Variants in ZRANB3 observed in about 807,000 individuals in gnomAD.
ZRANB3 encodes DNA annealing helicase and endonuclease ZRANB3.
A neutral mutation model predicts 133.8 loss-of-function variants in ZRANB3; 125 were observed. That is an observed-to-expected ratio of 0.93 (90% CI 0.81 to 1.08). ZRANB3 has a LOEUF of 1.08. Among genes scored for constraint, ZRANB3 ranks in the 50% least tolerant of loss-of-function variants. The pLI, the probability that ZRANB3 is intolerant of heterozygous loss-of-function variation, is 0.00. For missense variants in ZRANB3, 1,229 were observed against 1,275.5 expected, an observed-to-expected ratio of 0.96 and a Z score of 0.56; for synonymous variants, 387 against 432.7, an observed-to-expected ratio of 0.89 and a Z score of 1.31.
intron 2 of ZRANB3, among the ~76,000 whole-genome samples, chr2:135,437,414 T>C (rs1344409591): frequency 6.6e-6 from 1 of 152,182 alleles, no homozygotes; most frequent in East Asian, 1.9e-4. Context: ...AGAAACAAAG[T>C]ATCCAATGAT....
In ZRANB3 at chr2:135,513,549, A is replaced by G. The variant is rs1693566521; in HGVS notation, c.-7-9053T>C. ...AAACCCCCACCTCATGCTGCATATG[A>G]AAATTAACTTAAAATGGATCAAAGA... On this transcript the variant is annotated intron_variant, in intron 1 of 20. Coordinates refer to ENST00000264159, the MANE Select transcript of ZRANB3 (RefSeq NM_032143.4). Among the ~76,000 whole-genome samples the G allele has an allele frequency of 2.0e-5, 3 of 152,336 alleles. No homozygotes were observed. The East Asian group carries it at 5.8e-4, about 29-fold the overall frequency.
intron 2 of ZRANB3, among the ~76,000 whole-genome samples, chr2:135,418,988 AGTG>A (rs1226615727): frequency 8.7e-6 from 1 of 114,666 alleles, no homozygotes; most frequent in African/African-American, 3.4e-5. Context: ...CCCAGGCTGG[AGTG>A]CAGTGGTGCG....
intron 3 of ZRANB3, among the ~76,000 whole-genome samples, chr2:135,384,396 G>C (rs1686865549): frequency 6.6e-6 from 1 of 152,164 alleles, no homozygotes; most frequent in African/African-American, 2.4e-5. Context: ...TGGATTCACA[G>C]CCGAATTCTA....
chr2:135,349,687 G>A (rs1263908004), intron 5 of ZRANB3, among the ~76,000 whole-genome samples: 2 of 152,140 alleles, frequency 1.3e-5, no homozygotes, highest in Admixed American at 6.6e-5. Flanking sequence ...TAAGACCATA[G>A]AAGAACCTCA....
At chr2:135,271,108 C>T (rs1468935487) in intron 10 of ZRANB3, among the ~76,000 whole-genome samples, 1 of 152,230 alleles carries the variant, frequency 6.6e-6, no homozygotes, top group Non-Finnish European at 1.5e-5. Flanking sequence ...GCTGCTTAGA[C>T]TGCAGATAAG....
At chr2:135,294,659 T>A (rs895446774) in intron 8 of ZRANB3, among the ~76,000 whole-genome samples, 1 of 152,226 alleles carries the variant, frequency 6.6e-6, no homozygotes, top group African/African-American at 2.4e-5. Flanking sequence ...TGTTTGCTCT[T>A]GCTTCTCTAG....
intron 6 of ZRANB3, among the ~76,000 whole-genome samples, chr2:135,333,321 C>A (rs1684234783): frequency 6.6e-6 from 1 of 151,778 alleles, no homozygotes. Flanking sequence ...CAATGACATG[C>A]AACCATAATG....
At chr2:135,494,875 A>T (rs1692592279) in intron 2 of ZRANB3, among the ~76,000 whole-genome samples, 1 of 152,252 alleles carries the variant, frequency 6.6e-6, no homozygotes, top group East Asian at 1.9e-4. Context: ...TTTCATATTG[A>T]ACAAAAAACA....
At chr2:135,254,817 C>G (rs1679574378) in intron 12 of ZRANB3, among the ~76,000 whole-genome samples, 1 of 151,932 alleles carries the variant, frequency 6.6e-6, no homozygotes, top group African/African-American at 2.4e-5. Context: ...GTGGCGCGAT[C>G]TCAGCTCACT....
intron 2 of ZRANB3, among the ~76,000 whole-genome samples, chr2:135,488,096 G>A (rs1692202177): frequency 6.6e-6 from 1 of 152,188 alleles, no homozygotes; most frequent in East Asian, 1.9e-4. Context: ...TTTCAATATT[G>A]TTTTGTCTTA....
At chr2:135,513,348 A>G (rs1397278752) in intron 1 of ZRANB3, among the ~76,000 whole-genome samples, 1 of 152,198 alleles carries the variant, frequency 6.6e-6, no homozygotes, top group Admixed American at 6.5e-5. Flanking sequence ...GTGTAGCACT[A>G]CTAGCATAAT....
At chr2:135,333,525 C>T (rs1362489068) in intron 6 of ZRANB3, among the ~76,000 whole-genome samples, 1 of 152,084 alleles carries the variant, frequency 6.6e-6, no homozygotes, top group African/African-American at 2.4e-5. Context: ...GTATACTCTT[C>T]CATAGGTTAG....
intron 2 of ZRANB3, among the ~76,000 whole-genome samples, chr2:135,414,168 A>G (rs1688444849): frequency 6.6e-6 from 1 of 152,196 alleles, no homozygotes; most frequent in African/African-American, 2.4e-5. Flanking sequence ...CAAATTGGAT[A>G]AAGAGTCAAG....
intron 2 of ZRANB3, among the ~76,000 whole-genome samples, chr2:135,417,244 G>T (rs1414418155): frequency 4.6e-5 from 7 of 151,954 alleles, no homozygotes; most frequent in South Asian, 4.1e-4. Flanking sequence ...AATCTACAAT[G>T]AACTCAAACA....
At chr2:135,233,840 T>C (rs1654050664) in intron 12 of ZRANB3, among the ~76,000 whole-genome samples, 1 of 152,132 alleles carries the variant, frequency 6.6e-6, no homozygotes, top group Non-Finnish European at 1.5e-5. Flanking sequence ...TGCAAAAACA[T>C]GCCAAATTGT....
chr2:135,463,482 A>C (rs1164241746), intron 2 of ZRANB3, among the ~76,000 whole-genome samples: 2 of 150,424 alleles, frequency 1.3e-5, no homozygotes, highest in Admixed American at 6.6e-5. Context: ...CAGTGGTGTG[A>C]TTTCGGCTCT....
intron 3 of ZRANB3, among the ~76,000 whole-genome samples, chr2:135,360,403 T>C (rs1031831463): frequency 7.3e-5 from 11 of 150,956 alleles, no homozygotes; most frequent in East Asian, 2.0e-4. Context: ...AATGAATAAA[T>C]AGATAAAACA....
chr2:135,340,873 C>T (rs1684619976), intron 6 of ZRANB3, among the ~76,000 whole-genome samples: 1 of 150,004 alleles, frequency 6.7e-6, no homozygotes, highest in South Asian at 2.1e-4. Context: ...ACAGTAAAAT[C>T]TTTATAATAC....
chr2:135,200,753 GT>G (rs373759295), intron 20 of ZRANB3, among the ~76,000 whole-genome samples: 13,601 of 126,374 alleles, frequency 0.11, 692 homozygotes, highest in South Asian at 0.27. Context: ...CAAGTGGGAG[GT>G]TTTTTTTTTT....
Sources: gnomAD v4.1 joint callset for allele counts (sites outside exome capture counted in the v4.1 genomes callset) on GRCh38, gnomAD v4.1.1 for gene constraint, MANE v1.5 for transcripts, NCBI Gene and HGNC (gene_info 2026-07-23, HGNC 2026-07-21) for gene names.